The following RPRD2 variants were observed in gnomAD, a reference collection of about 807,000 sequenced individuals.
RPRD2 encodes regulation of nuclear pre-mRNA domain-containing protein 2.
In RPRD2, 12 loss-of-function variants were observed where a neutral mutation model predicts 104.4. The observed-to-expected ratio is 0.11, with a 90% CI of 0.07 to 0.19. The LOEUF (loss-of-function observed/expected upper bound fraction) is 0.19. RPRD2 is among the 10% of genes least tolerant of loss of function. RPRD2 has a pLI of 1.00. For synonymous variants in RPRD2, 714 were observed against 684.9 expected (o/e 1.04, Z -0.66); for missense variants, 1,543 against 1,790.1 (o/e 0.86, Z 2.49).
chr1:150,415,607 G>A (rs961158782), intron 1 of RPRD2, among the ~76,000 whole-genome samples: 2 of 152,020 alleles, frequency 1.3e-5, no homozygotes, highest in Non-Finnish European at 2.9e-5. Context: ...GATCACCTGA[G>A]CCCAAGGAGG....
chr1:150,435,016 C>G (rs77154275), intron 2 of RPRD2, among the ~76,000 whole-genome samples: 3,823 of 152,048 alleles, frequency 0.025, 158 homozygotes, highest in African/African-American at 0.087. Context: ...CCTATTGGTG[C>G]TATTTTTCCA....
intron 1 of RPRD2, among the ~76,000 whole-genome samples, chr1:150,388,160 C>T (rs896531888): frequency 3.3e-5 from 5 of 151,376 alleles, no homozygotes; most frequent in African/African-American, 9.7e-5. Context: ...TCAAGCAAAC[C>T]ACCCACCTTG....
chr1:150,378,581 T>G (rs1553880070), intron 1 of RPRD2, among the ~76,000 whole-genome samples: 1 of 152,212 alleles, frequency 6.6e-6, no homozygotes, highest in African/African-American at 2.4e-5. Flanking sequence ...AAGAACACAC[T>G]TCTCTCCTTT....
chr1:150,365,263 C>G (rs1192511693), intron 1 of RPRD2, among the ~76,000 whole-genome samples: 1 of 152,196 alleles, frequency 6.6e-6, no homozygotes, highest in African/African-American at 2.4e-5. Flanking sequence ...CTGTTTATTT[C>G]TTACAGGCCT....
chr1:150,427,464 C>G (rs1215538354), intron 2 of RPRD2, among the ~76,000 whole-genome samples: 1 of 144,772 alleles, frequency 6.9e-6, no homozygotes, highest in Non-Finnish European at 1.5e-5. Context: ...CAGAGCGAGA[C>G]TCTATCTCAA....
chr1:150,440,323 C>T (rs376784556), intron 2 of RPRD2, among the ~76,000 whole-genome samples: 1 of 152,176 alleles, frequency 6.6e-6, no homozygotes, highest in East Asian at 1.9e-4. Context: ...CCACCTCGGC[C>T]TCCCAAAGCG....
intron 7 of RPRD2, among the ~76,000 whole-genome samples, chr1:150,447,792 A>G (rs1666887217): frequency 6.6e-6 from 1 of 152,220 alleles, no homozygotes; most frequent in African/African-American, 2.4e-5. Flanking sequence ...AGGTCCCACC[A>G]GTCCTACTTC....
intron 4 of RPRD2, 133 bp from the exon 5 acceptor site, chr1:150,443,098 T>A: frequency 1.6e-6 from 1 of 613,008 alleles, no homozygotes; most frequent in East Asian, 2.9e-5. Flanking sequence ...ATTATTTATT[T>A]TAGGAATTAT....
In RPRD2 at chr1:150,364,649, C is replaced by G. The variant is rs1416765118; in HGVS notation, c.-66C>G. On this transcript the variant is annotated 5_prime_UTR_variant, in exon 1 of 11. Transcript: ENST00000369068. ...TCACGCACTCGCAGTGATTGTTTTG[C>G]CCGCTCCCGCCGCCGCCGCCGCCGC... 3 of 839,774 alleles carry G rather than the reference C, an allele frequency of 3.6e-6. No individual in the cohort carries two copies. Among genetic ancestry groups the G allele is most frequent in the South Asian group, 3.2e-5 (2 of 62,170 alleles). The allele number at this position is 839,774 out of a possible 1,614,324, so 52.0% of individuals were successfully genotyped here.
At chr1:150,377,537 G>T (rs1055824774) in intron 1 of RPRD2, among the ~76,000 whole-genome samples, 3 of 150,952 alleles carry the variant, frequency 2.0e-5, no homozygotes, top group Non-Finnish European at 4.4e-5. Context: ...GACAGAGCTG[G>T]CAGTGAGCCG....
chr1:150,382,905 A>G (rs1372456175), intron 1 of RPRD2, among the ~76,000 whole-genome samples: 2 of 151,060 alleles, frequency 1.3e-5, no homozygotes, highest in African/African-American at 4.9e-5. Context: ...AGGCTGGTCT[A>G]GAACTGCTGG....
chr1:150,446,789 G>A (rs186951940), intron 7 of RPRD2, among the ~76,000 whole-genome samples: 23 of 149,538 alleles, frequency 1.5e-4, no homozygotes, highest in Admixed American at 1.4e-3. Context: ...TAGTAAACTT[G>A]TACAAGGTAA....
chr1:150,398,157 A>G (rs1196091212), intron 1 of RPRD2, among the ~76,000 whole-genome samples: 1 of 115,690 alleles, frequency 8.6e-6, no homozygotes, highest in African/African-American at 3.5e-5. Context: ...GGCACCTGCC[A>G]CTATGCCTGG....
chr1:150,453,907 C>T (rs1174271830), intron 7 of RPRD2, among the ~76,000 whole-genome samples: 3 of 152,290 alleles, frequency 2.0e-5, no homozygotes, highest in East Asian at 1.9e-4. Flanking sequence ...CTAACTGACT[C>T]GAGGCTGAAT....
intron 2 of RPRD2, among the ~76,000 whole-genome samples, chr1:150,437,723 G>A (rs889363252): frequency 4.6e-5 from 7 of 151,986 alleles, no homozygotes; most frequent in African/African-American, 1.7e-4. Flanking sequence ...GGGACTACAG[G>A]TGTGCCCCAC....
intron 2 of RPRD2, among the ~76,000 whole-genome samples, chr1:150,428,454 CAAAAAAAA>C (rs34596290): frequency 1.1e-4 from 8 of 71,272 alleles, no homozygotes; most frequent in East Asian, 1.3e-3. Flanking sequence ...GACTCTGTCT[CAAAAAAAA>C]AAAAAAAAAA....
At position 150,474,808 on chromosome 1, in the gene RPRD2, T is replaced by G. The variant is rs587740817; in HGVS notation, c.*1474T>G. On this transcript the variant is annotated 3_prime_UTR_variant, in exon 11 of 11. Transcript: ENST00000369068. ...AGAGAATTCTGGCAAGTTTCATATT[T>G]TCTTCCAAGTTAGTATAGAACTAAC... 1.3e-5 allele frequency: 2 copies of G among 152,336 alleles called. No individual in the cohort carries two copies. The highest frequency in any genetic ancestry group is 4.1e-4 in the South Asian group (2 of 4,832). 9.4% of individuals were successfully genotyped at this position (152,336 alleles called of 1,614,324 possible). A position where few individuals can be genotyped will look rare whatever the true frequency, so the allele number is the denominator to read the frequency against.
Position 150,473,382 on chromosome 1 carries a change from G to A in RPRD2, c.*48G>A. 6.7e-7 allele frequency: 1 copy of A among 1,493,848 alleles called. No individual in the cohort carries two copies. Among genetic ancestry groups the A allele is most frequent in the Non-Finnish European group, 8.9e-7 (1 of 1,117,560 alleles). The allele number at this position is 1,493,848 out of a possible 1,614,324, so 92.5% of individuals were successfully genotyped here. Reference sequence around the variant, plus strand: ...TTGAACAGTCTAGAGAACATTGGAAGTAGGAGTTTGGTTTATTGTTGTTGT... The same window carrying A: ...TTGAACAGTCTAGAGAACATTGGAAATAGGAGTTTGGTTTATTGTTGTTGT... On this transcript the variant is annotated 3_prime_UTR_variant, in exon 11 of 11. Coordinates refer to ENST00000369068, the MANE Select transcript of RPRD2 (RefSeq NM_015203.5).
At chr1:150,460,393 G>GT in intron 9 of RPRD2, 76 bp downstream of exon 9, 2 of 1,351,458 alleles carry the variant, frequency 1.5e-6, no homozygotes, top group Non-Finnish European at 2.0e-6. Flanking sequence ...GTTTTTGGGG[G>GT]GGTTGTTGTT....
Sources: allele counts gnomAD v4.1 joint callset (sites outside exome capture counted in the v4.1 genomes callset), GRCh38; gene constraint gnomAD v4.1.1; transcripts MANE v1.5; gene names NCBI Gene and HGNC (gene_info 2026-07-23, HGNC 2026-07-21).